VAV3: variants seen among roughly 807,000 people sequenced by gnomAD.
VAV3 encodes vav guanine nucleotide exchange factor 3.
VAV3 carries 94 observed loss-of-function variants against 131.2 expected under a neutral mutation model. The observed-to-expected ratio is 0.72, with a 90% CI of 0.61 to 0.85. The LOEUF (loss-of-function observed/expected upper bound fraction) is 0.85, where lower values mean the gene tolerates loss of function less well. Ranked by LOEUF, VAV3 falls within the 40% of genes least tolerant of loss-of-function variation. VAV3 has a pLI of 0.00. For missense variants in VAV3, 939 were observed against 1,002.7 expected (o/e 0.94, Z 0.86); for synonymous variants, 349 against 342.0 (o/e 1.02, Z -0.22).
chr1:107,801,365 T>G (rs1417063459), intron 2 of VAV3, among the ~76,000 whole-genome samples: 1 of 152,180 alleles, frequency 6.6e-6, no homozygotes, highest in Non-Finnish European at 1.5e-5. Context: ...GATATTTTGA[T>G]AAGGACTGCA....
intron 16 of VAV3, 112 bp from the exon 17 acceptor site, chr1:107,704,762 T>C (rs1414576031): frequency 2.5e-5 from 25 of 1,018,730 alleles, no homozygotes; most frequent in Non-Finnish European, 3.5e-5. Context: ...AGGTACCCCC[T>C]TGGTAGAGGG....
intron 22 of VAV3, among the ~76,000 whole-genome samples, chr1:107,604,117 A>C (rs1652083642): frequency 1.3e-5 from 2 of 152,362 alleles, no homozygotes; most frequent in African/African-American, 4.8e-5. Flanking sequence ...CTGGCAAGTT[A>C]CATCAGAGAT....
At chr1:107,656,763 A>C (rs1201459369) in intron 19 of VAV3, among the ~76,000 whole-genome samples, 2 of 151,998 alleles carry the variant, frequency 1.3e-5, no homozygotes, top group African/African-American at 4.8e-5. Context: ...AAAAAAGGAA[A>C]TTATCCTAGC....
chr1:107,786,624 A>C (rs902954916), intron 2 of VAV3, among the ~76,000 whole-genome samples: 13 of 152,214 alleles, frequency 8.5e-5, no homozygotes, highest in Non-Finnish European at 1.3e-4. Flanking sequence ...CATCCTCATC[A>C]TCATCGGTAA....
At position 107,635,870 on chromosome 1, in the gene VAV3, A is replaced by T. The variant is rs1654894070; in HGVS notation, c.1914+6749T>A. Among the ~76,000 whole-genome samples the T allele has an allele frequency of 2.0e-5, 3 of 152,226 alleles. No individual in the cohort carries two copies. In the South Asian group the frequency reaches 6.2e-4, roughly 32 times the overall value. ...GCCGGAATTCCTATGTCCGAATAAC[A>T]GCTCTGCTAAGTTACTAGCTGTGTG... On this transcript the variant is annotated intron_variant, in intron 20 of 26. Coordinates refer to ENST00000370056, the MANE Select transcript of VAV3 (RefSeq NM_006113.5).
intron 2 of VAV3, among the ~76,000 whole-genome samples, chr1:107,800,444 A>T (rs1666774670): frequency 6.6e-6 from 1 of 152,114 alleles, no homozygotes; most frequent in South Asian, 2.1e-4. Flanking sequence ...TGTGATTATT[A>T]GTGATGCTGA....
chr1:107,718,667 C>A (rs545480547), intron 15 of VAV3, among the ~76,000 whole-genome samples: 65 of 152,130 alleles, frequency 4.3e-4, no homozygotes, highest in African/African-American at 9.6e-4. Flanking sequence ...CATCCCCATC[C>A]AGCTACCAAT....
intron 15 of VAV3, among the ~76,000 whole-genome samples, chr1:107,730,778 T>C (rs971146328): frequency 1.3e-5 from 2 of 152,192 alleles, no homozygotes; most frequent in African/African-American, 4.8e-5. Flanking sequence ...ATGAATATGC[T>C]ACACAGGAAT....
At chr1:107,678,796 A>G (rs565973466) in intron 19 of VAV3, among the ~76,000 whole-genome samples, 2 of 152,144 alleles carry the variant, frequency 1.3e-5, no homozygotes, top group South Asian at 2.1e-4. Context: ...GTGTTTCCCA[A>G]TTTGTTTTGC....
intron 1 of VAV3, among the ~76,000 whole-genome samples, chr1:107,921,427 C>T (rs943628086): frequency 9.2e-5 from 14 of 152,180 alleles, no homozygotes; most frequent in African/African-American, 2.9e-4. Flanking sequence ...TATTTTTCCC[C>T]CTCTAAATTG....
At chr1:107,742,259 T>C (rs1189662895) in intron 15 of VAV3, among the ~76,000 whole-genome samples, 2 of 152,042 alleles carry the variant, frequency 1.3e-5, no homozygotes, top group African/African-American at 2.4e-5. Flanking sequence ...CTTGTCTTGG[T>C]TGTCAGAAAA....
chr1:107,714,516 CAG>C (rs1430212694), intron 15 of VAV3, among the ~76,000 whole-genome samples: 5 of 151,986 alleles, frequency 3.3e-5, no homozygotes, highest in Admixed American at 3.3e-4. Context: ...TGAAAATTTC[CAG>C]GATAAAATCC....
At chr1:107,798,741 AAAAG>A (rs1666683931) in intron 2 of VAV3, among the ~76,000 whole-genome samples, 1 of 150,442 alleles carries the variant, frequency 6.6e-6, no homozygotes, top group East Asian at 1.9e-4. Context: ...AAAAAAAAAA[AAAAG>A]AAGAACATGC....
chr1:107,957,306 C>G (rs189257647), intron 1 of VAV3, among the ~76,000 whole-genome samples: 1 of 151,196 alleles, frequency 6.6e-6, no homozygotes, highest in Non-Finnish European at 1.5e-5. Flanking sequence ...TCCCTCTATT[C>G]ACCTCCTTTC....
At chr1:107,868,077 C>T (rs1670084386) in intron 2 of VAV3, among the ~76,000 whole-genome samples, 1 of 152,158 alleles carries the variant, frequency 6.6e-6, no homozygotes, top group Non-Finnish European at 1.5e-5. Context: ...CCAGGAACCA[C>T]ACAGAACCAG....
chr1:107,724,562 A>T (rs1233333531), intron 15 of VAV3, among the ~76,000 whole-genome samples: 7 of 152,206 alleles, frequency 4.6e-5, no homozygotes, highest in African/African-American at 1.7e-4. Flanking sequence ...TAATAAAGTG[A>T]TTCCCAAAGG....
At chr1:107,584,204 T>C (rs1175949582) in intron 25 of VAV3, among the ~76,000 whole-genome samples, 2 of 152,188 alleles carry the variant, frequency 1.3e-5, no homozygotes, top group East Asian at 1.9e-4. Context: ...TGGCTAGCCA[T>C]ATGTAGAAAG....
intron 22 of VAV3, among the ~76,000 whole-genome samples, chr1:107,603,563 A>G (rs925216108): frequency 6.6e-5 from 10 of 152,180 alleles, no homozygotes; most frequent in African/African-American, 2.4e-4. Context: ...ATGAAATGAA[A>G]TCTCCTTTAA....
In VAV3 at chr1:107,766,501, A is replaced by G. The variant is rs370601141; in HGVS notation, c.767T>C (p.Ile256Thr). 3.7e-6 allele frequency: 6 copies of G among 1,613,504 alleles called. No homozygotes were observed. In the African/African-American group the frequency reaches 8.0e-5, roughly 22 times the overall value. The part of the protein sequence containing the change: ...RNLMQEIHDS[I>T]VNKNDQNLYQ... ...CAAGTTCTGGTCATTTTTATTTACA[A>G]TGGAATCATGAATCTCTTGCATTAG... The change falls in exon 8 of 27, where the codon ATT becomes ACT. Residue 256 changes from isoleucine to threonine, a missense_variant. Transcript: ENST00000370056.
Sources: gnomAD v4.1 joint callset for allele counts (sites outside exome capture counted in the v4.1 genomes callset) on GRCh38, gnomAD v4.1.1 for gene constraint, MANE v1.5 for transcripts, NCBI Gene and HGNC (gene_info 2026-07-23, HGNC 2026-07-21) for gene names.